Variants in NKAIN2 observed in about 807,000 individuals in gnomAD.
NKAIN2 encodes the protein sodium/potassium transporting ATPase interacting 2.
NKAIN2 carries 14 observed loss-of-function variants against 32.6 expected under a neutral mutation model. The observed-to-expected ratio is 0.43, with a 90% CI of 0.28 to 0.67. The LOEUF (loss-of-function observed/expected upper bound fraction) is 0.67, where lower values mean the gene tolerates loss of function less well. Among genes scored for constraint, NKAIN2 ranks in the 30% least tolerant of loss-of-function variants. The pLI is 0.17. For synonymous variants in NKAIN2, 80 were observed against 87.2 expected, an observed-to-expected ratio of 0.92 and a Z score of 0.46; for missense variants, 198 against 258.3, an observed-to-expected ratio of 0.77 and a Z score of 1.60.
intron 3 of NKAIN2, among the ~76,000 whole-genome samples, chr6:124,628,683 A>G (rs1428598994): frequency 6.6e-6 from 1 of 152,002 alleles, no homozygotes; most frequent in African/African-American, 2.4e-5. Flanking sequence ...GCATTCCTCA[A>G]AAGTGGGAAA....
chr6:124,361,317 T>C (rs2114276110), intron 3 of NKAIN2, among the ~76,000 whole-genome samples: 1 of 152,188 alleles, frequency 6.6e-6, no homozygotes, highest in Admixed American at 6.5e-5. Context: ...CAGGCTGAAA[T>C]TAAATACTTA....
rs1451310860 is a variant in NKAIN2, at chr6:124,825,592, G to T, written c.*2363G>T. Reference sequence around the variant, plus strand: ...GTATTTTTAACAGAATGATTTTTTTGACTTACTAGTGTAATTTGCATTTTA... The same window carrying T: ...GTATTTTTAACAGAATGATTTTTTTTACTTACTAGTGTAATTTGCATTTTA... On this transcript the variant is annotated 3_prime_UTR_variant, in exon 7 of 7. Coordinates refer to ENST00000368417, the MANE Select transcript of NKAIN2 (RefSeq NM_001040214.3). 10 of 151,990 alleles carry T rather than the reference G, an allele frequency of 6.6e-5. No individual in the cohort carries two copies. The highest frequency in any genetic ancestry group is 1.3e-4 in the Non-Finnish European group (9 of 67,912). 9.4% of individuals were successfully genotyped at this position (151,990 alleles called of 1,614,324 possible).
intron 4 of NKAIN2, among the ~76,000 whole-genome samples, chr6:124,789,431 C>T (rs1779646660): frequency 6.6e-6 from 1 of 151,924 alleles, no homozygotes; most frequent in South Asian, 2.1e-4. Flanking sequence ...ATAAGCAATA[C>T]CAAGGGGATT....
intron 3 of NKAIN2, among the ~76,000 whole-genome samples, chr6:124,426,236 A>T (rs1276556075): frequency 6.6e-6 from 1 of 152,202 alleles, no homozygotes; most frequent in East Asian, 1.9e-4. Context: ...GAGCTACTGT[A>T]CTTTTCCAGT....
At chr6:124,341,535 CAA>C (rs1042714425) in intron 2 of NKAIN2, among the ~76,000 whole-genome samples, 1 of 151,966 alleles carries the variant, frequency 6.6e-6, no homozygotes, top group African/African-American at 2.4e-5. Flanking sequence ...AGGGGGAAAA[CAA>C]ATCTTATTTT....
intron 3 of NKAIN2, among the ~76,000 whole-genome samples, chr6:124,566,110 C>G (rs1780900362): frequency 6.6e-6 from 1 of 152,312 alleles, no homozygotes; most frequent in South Asian, 2.1e-4. Context: ...AGAACTGAAA[C>G]TTAAGCCAAC....
rs192178708 is a variant in NKAIN2, at chr6:124,417,211, C to T, written c.273+61864C>T. Among the ~76,000 whole-genome samples, 12 of 152,170 alleles carry T rather than the reference C, an allele frequency of 7.9e-5. No homozygotes were observed. The East Asian group carries it at 1.9e-3, about 25-fold the overall frequency. Reference sequence around the variant, plus strand: ...GACAAAGTGCTTTAACAAGCAATTACGGACACATCTGAAACAAATAGAAAA... The same window carrying T: ...GACAAAGTGCTTTAACAAGCAATTATGGACACATCTGAAACAAATAGAAAA... On this transcript the variant is annotated intron_variant, in intron 3 of 6. Transcript: ENST00000368417.
chr6:124,330,424 A>G (rs1583058909), intron 2 of NKAIN2, among the ~76,000 whole-genome samples: 1 of 152,302 alleles, frequency 6.6e-6, no homozygotes, highest in South Asian at 2.1e-4. Flanking sequence ...GTAGCAATAG[A>G]AGCTGATCCC....
At chr6:124,820,710 C>T (rs141104753) in intron 6 of NKAIN2, among the ~76,000 whole-genome samples, 7 of 152,290 alleles carry the variant, frequency 4.6e-5, no homozygotes, top group African/African-American at 1.2e-4. Flanking sequence ...GGTGAGGGAA[C>T]ATTACTGCCT....
At chr6:124,815,262 GTGTA>G (rs1781109394) in intron 5 of NKAIN2, among the ~76,000 whole-genome samples, 2 of 135,714 alleles carry the variant, frequency 1.5e-5, no homozygotes, top group Admixed American at 7.4e-5. Flanking sequence ...ATATATATAT[GTGTA>G]TATATATGTA....
chr6:124,163,723 C>T (rs1264109701), intron 1 of NKAIN2, among the ~76,000 whole-genome samples: 1 of 151,454 alleles, frequency 6.6e-6, no homozygotes, highest in Non-Finnish European at 1.5e-5. Flanking sequence ...GAAAGAAATC[C>T]AAAGAACAGA....
intron 3 of NKAIN2, among the ~76,000 whole-genome samples, chr6:124,405,825 A>T (rs1773832805): frequency 6.6e-6 from 1 of 152,216 alleles, no homozygotes; most frequent in African/African-American, 2.4e-5. Flanking sequence ...TCGGAAATAT[A>T]AGACAAAGTA....
intron 3 of NKAIN2, among the ~76,000 whole-genome samples, chr6:124,490,222 A>G (rs980422943): frequency 3.1e-4 from 47 of 151,740 alleles, no homozygotes; most frequent in African/African-American, 1.1e-3. Context: ...TGAAACATTC[A>G]GGAAAGAAAA....
intron 1 of NKAIN2, among the ~76,000 whole-genome samples, chr6:123,898,279 G>C (rs998395329): frequency 3.3e-5 from 5 of 152,096 alleles, no homozygotes; most frequent in African/African-American, 1.2e-4. Flanking sequence ...CATCACATCA[G>C]ATATGTCCTG....
At chr6:124,013,792 A>G (rs1393209540) in intron 1 of NKAIN2, among the ~76,000 whole-genome samples, 2 of 152,198 alleles carry the variant, frequency 1.3e-5, no homozygotes, top group East Asian at 1.9e-4. Context: ...TCAGAAAGCA[A>G]TGCAATCACA....
intron 4 of NKAIN2, among the ~76,000 whole-genome samples, chr6:124,690,225 G>A (rs1336098943): frequency 1.3e-5 from 2 of 151,964 alleles, no homozygotes; most frequent in African/African-American, 2.4e-5. Flanking sequence ...ATACTATTGT[G>A]CTTTTAATTT....
At chr6:124,258,878 C>G (rs1582941133) in intron 1 of NKAIN2, among the ~76,000 whole-genome samples, 1 of 152,116 alleles carries the variant, frequency 6.6e-6, no homozygotes, top group East Asian at 1.9e-4. Flanking sequence ...TGTCATGGTT[C>G]CATTAGGTTA....
At chr6:124,551,835 T>C (rs1054855378) in intron 3 of NKAIN2, among the ~76,000 whole-genome samples, 2 of 152,250 alleles carry the variant, frequency 1.3e-5, no homozygotes, top group Non-Finnish European at 2.9e-5. Context: ...TGTGGTTTAA[T>C]TTTTCACTGG....
At chr6:124,565,422 G>C (rs1780872295) in intron 3 of NKAIN2, among the ~76,000 whole-genome samples, 1 of 152,144 alleles carries the variant, frequency 6.6e-6, no homozygotes, top group Non-Finnish European at 1.5e-5. Flanking sequence ...GGAAATCAGT[G>C]GGATGGTCTA....
Sources: allele counts gnomAD v4.1 joint callset (sites outside exome capture counted in the v4.1 genomes callset), GRCh38; gene constraint gnomAD v4.1.1; transcripts MANE v1.5; gene names NCBI Gene and HGNC (gene_info 2026-07-23, HGNC 2026-07-21).